CYTH3: variants seen among roughly 807,000 people sequenced by gnomAD.
CYTH3 encodes cytohesin 3.
A neutral mutation model predicts 55.1 loss-of-function variants in CYTH3; 23 were observed. The observed-to-expected ratio is 0.42, with a 90% CI of 0.30 to 0.59. The LOEUF (loss-of-function observed/expected upper bound fraction) is 0.59. Among genes scored for constraint, CYTH3 ranks in the 20% least tolerant of loss-of-function variants. CYTH3 has a pLI of 0.20. For missense variants in CYTH3, 413 were observed against 524.8 expected, an observed-to-expected ratio of 0.79 and a Z score of 2.08; for synonymous variants, 249 against 194.9, an observed-to-expected ratio of 1.28 and a Z score of -2.31.
At chr7:6,187,615 G>T in intron 3 of CYTH3, 42 bp downstream of exon 3, 1 of 1,556,654 alleles carries the variant, frequency 6.4e-7, no homozygotes, top group African/African-American at 1.4e-5. Flanking sequence ...GAGGTAGAAA[G>T]AAAAGAGTAA....
At position 6,259,772 on chromosome 7, in the gene CYTH3, T is replaced by TAATATATATATATATATAA. The variant is rs1491219669; in HGVS notation, c.34+12701_34+12702insTTATATATATATATATATT. Among the ~76,000 whole-genome samples the TAATATATATATATATATAA allele has an allele frequency of 1.6e-4, 5 of 30,502 alleles. No homozygotes were observed. In the East Asian group the frequency reaches 5.1e-3, roughly 31 times the overall value. 20.0% of individuals were successfully genotyped at this position (30,502 alleles called of 152,430 possible). A position where few individuals can be genotyped will look rare whatever the true frequency, so the allele number is the denominator to read the frequency against. On this transcript the variant is annotated intron_variant, in intron 1 of 12. Transcript: ENST00000350796. The stretch of plus-strand genomic sequence containing the variant: ...TATATATATATTATATATATATATA[T>TAATATATATATATATATAA]TATATATATATAATATATATATATA...
chr7:6,215,653 A>G (rs1025962750), intron 1 of CYTH3, among the ~76,000 whole-genome samples: 1 of 152,078 alleles, frequency 6.6e-6, no homozygotes, highest in African/African-American at 2.4e-5. Flanking sequence ...ATTTTTTAAT[A>G]GGTGAAAACT....
At chr7:6,246,559 T>A (rs1419776312) in intron 1 of CYTH3, among the ~76,000 whole-genome samples, 2 of 152,180 alleles carry the variant, frequency 1.3e-5, no homozygotes, top group East Asian at 3.8e-4. Context: ...CTAGTGATTA[T>A]CTTTAATTTT....
intron 1 of CYTH3, among the ~76,000 whole-genome samples, chr7:6,199,157 T>C (rs1404619023): frequency 6.6e-6 from 1 of 152,228 alleles, no homozygotes; most frequent in Non-Finnish European, 1.5e-5. Flanking sequence ...ATTCACATCA[T>C]TCAGCCAAAA....
intron 1 of CYTH3, among the ~76,000 whole-genome samples, chr7:6,256,968 GA>G (rs991699749): frequency 2.0e-5 from 3 of 152,164 alleles, no homozygotes; most frequent in Non-Finnish European, 4.4e-5. Context: ...TGTGAAAACT[GA>G]AACATCCTAG....
intron 1 of CYTH3, among the ~76,000 whole-genome samples, chr7:6,215,589 CAAA>C (rs35017027): frequency 1.3e-4 from 8 of 61,472 alleles, no homozygotes; most frequent in Non-Finnish European, 1.0e-4. Context: ...GTCTCCATCT[CAAA>C]AAAAAAAAAA....
At chr7:6,240,965 A>G (rs1338150326) in intron 1 of CYTH3, among the ~76,000 whole-genome samples, 2 of 151,764 alleles carry the variant, frequency 1.3e-5, no homozygotes, top group Admixed American at 6.6e-5. Context: ...AAAAAAAAAA[A>G]GCAAAAATTA....
At chr7:6,190,428 G>GT (rs377416706) in intron 2 of CYTH3, 21 bp downstream of exon 2, 139,873 of 1,249,756 alleles carry the variant, frequency 0.11, 484 homozygotes, top group East Asian at 0.22. Context: ...TGGATTTTTG[G>GT]TTTTTTTTTT....
At chr7:6,267,959 A>G (rs1024391728) in intron 1 of CYTH3, among the ~76,000 whole-genome samples, 1 of 137,932 alleles carries the variant, frequency 7.2e-6, no homozygotes, top group Non-Finnish European at 1.7e-5. Flanking sequence ...TTTGAATTTC[A>G]AAAAATAAAA....
intron 1 of CYTH3, among the ~76,000 whole-genome samples, chr7:6,227,078 T>TAAA (rs397755364): frequency 4.4e-5 from 5 of 112,876 alleles, no homozygotes; most frequent in Admixed American, 9.6e-5. Context: ...AGACTCTGTC[T>TAAA]AAAAAAAAAA....
intron 1 of CYTH3, among the ~76,000 whole-genome samples, chr7:6,270,246 TCAA>T (rs1164676915): frequency 6.6e-6 from 1 of 152,210 alleles, no homozygotes; most frequent in Non-Finnish European, 1.5e-5. Flanking sequence ...TTCACCTGTT[TCAA>T]AAATAAATAT....
chr7:6,208,177 C>G (rs964454858), intron 1 of CYTH3, among the ~76,000 whole-genome samples: 1 of 152,176 alleles, frequency 6.6e-6, no homozygotes, highest in Non-Finnish European at 1.5e-5. Context: ...ACAAAGACGA[C>G]AGATAAACTT....
chr7:6,165,469 G>C, intron 11 of CYTH3, 42 bp from the exon 12 acceptor site: 3 of 1,609,156 alleles, frequency 1.9e-6, no homozygotes, highest in Non-Finnish European at 2.5e-6. Flanking sequence ...GGGGGGCTTG[G>C]GGCAGGTTCC....
chr7:6,217,325 C>T (rs1236908639), intron 1 of CYTH3, among the ~76,000 whole-genome samples: 2 of 152,140 alleles, frequency 1.3e-5, no homozygotes, highest in East Asian at 1.9e-4. Flanking sequence ...CTACAAAAAA[C>T]TCACTTCAAA....
chr7:6,265,810 T>G (rs930315495), intron 1 of CYTH3, among the ~76,000 whole-genome samples: 4 of 151,966 alleles, frequency 2.6e-5, no homozygotes, highest in African/African-American at 9.7e-5. Context: ...AGGATGACAA[T>G]GGGAGAACCA....
chr7:6,207,375 T>C (rs1470993674), intron 1 of CYTH3, among the ~76,000 whole-genome samples: 5 of 152,168 alleles, frequency 3.3e-5, no homozygotes, highest in African/African-American at 1.2e-4. Flanking sequence ...ACTACAGGCG[T>C]GAGCTGCCAC....
intron 1 of CYTH3, among the ~76,000 whole-genome samples, chr7:6,195,170 A>AGG (rs1370671761): frequency 6.6e-6 from 1 of 152,140 alleles, no homozygotes; most frequent in Non-Finnish European, 1.5e-5. Flanking sequence ...AATATTTTCA[A>AGG]GGGTACTGTA....
intron 1 of CYTH3, among the ~76,000 whole-genome samples, chr7:6,236,157 G>A (rs535002825): frequency 3.3e-5 from 5 of 152,050 alleles, no homozygotes; most frequent in Admixed American, 3.3e-4. Flanking sequence ...CACAGACAAG[G>A]GTTTTAGAAA....
chr7:6,171,899 AC>A lies in CYTH3; in HGVS notation c.450-586del. 1 of 153,932 alleles carries A rather than the reference AC, an allele frequency of 6.5e-6. No individual in the cohort carries two copies. Among genetic ancestry groups the A allele is most frequent in the Non-Finnish European group, 1.4e-5 (1 of 69,264 alleles). 9.5% of individuals were successfully genotyped at this position (153,932 alleles called of 1,614,324 possible). A position where few individuals can be genotyped will look rare whatever the true frequency, so the allele number is the denominator to read the frequency against. ...CCTGGCTGCCCTGCCTGTAATTGGA[AC>A]CCCCAGCCCAACAACCCGCCCCGCC... On this transcript the variant is annotated intron_variant, in intron 6 of 12. Coordinates refer to ENST00000350796, the MANE Select transcript of CYTH3 (RefSeq NM_004227.4). This position sits in a 1 kb window ranked among gnomAD's most constrained non-coding sequence, Gnocchi z 6.7.
Sources: allele counts gnomAD v4.1 joint callset (sites outside exome capture counted in the v4.1 genomes callset), GRCh38; gene constraint gnomAD v4.1.1; non-coding constraint Gnocchi (gnomAD v3.1); transcripts MANE v1.5; gene names NCBI Gene and HGNC (gene_info 2026-07-23, HGNC 2026-07-21).